VRK2: variants seen among roughly 807,000 people sequenced by gnomAD.
VRK2 encodes the protein VRK serine/threonine kinase 2, also known as serine/threonine-protein kinase VRK2.
Under a neutral mutation model 57.6 loss-of-function variants are expected in VRK2, and 60 were observed. The observed-to-expected ratio is 1.04, with a 90% confidence interval of 0.85 to 1.29. VRK2 has a LOEUF of 1.29. VRK2 is among the 50% of genes most tolerant of loss of function. The pLI is 0.00. For missense variants in VRK2, 705 were observed against 588.1 expected (o/e 1.20, Z -2.06); for synonymous variants, 231 against 199.2 (o/e 1.16, Z -1.35).
intron 2 of VRK2, among the ~76,000 whole-genome samples, chr2:58,030,654 C>A (rs1022482928): frequency 6.8e-5 from 10 of 146,086 alleles, no homozygotes; most frequent in Admixed American, 6.6e-4. Context: ...ACTTGTGTGG[C>A]AGATTGTACT....
At chr2:58,132,740 CTA>C (rs1481147558) in intron 9 of VRK2, among the ~76,000 whole-genome samples, 2 of 152,134 alleles carry the variant, frequency 1.3e-5, no homozygotes, top group African/African-American at 4.8e-5. Context: ...TCATAGAAAT[CTA>C]TCTTTAAATT....
chr2:58,069,659 G>A (rs1199628756), intron 2 of VRK2, among the ~76,000 whole-genome samples: 1 of 152,156 alleles, frequency 6.6e-6, no homozygotes, highest in East Asian at 1.9e-4. Flanking sequence ...ATCTCTGTGT[G>A]TCCCTGCTGC....
At chr2:57,965,839 T>C (rs908234818) in intron 1 of VRK2, among the ~76,000 whole-genome samples, 1 of 152,166 alleles carries the variant, frequency 6.6e-6, no homozygotes, top group Non-Finnish European at 1.5e-5. Context: ...ACTTCATTGG[T>C]CATACCCTTA....
At chr2:58,081,158 G>A (rs1194816024) in intron 2 of VRK2, among the ~76,000 whole-genome samples, 1 of 151,916 alleles carries the variant, frequency 6.6e-6, no homozygotes, top group Non-Finnish European at 1.5e-5. Context: ...ACATACACAA[G>A]AATTTTTCTT....
intron 7 of VRK2, among the ~76,000 whole-genome samples, chr2:58,091,207 G>A (rs1052030544): frequency 3.3e-5 from 5 of 152,098 alleles, no homozygotes; most frequent in African/African-American, 1.2e-4. Flanking sequence ...TGTAAACTGT[G>A]GCTTTTGGAT....
At chr2:57,952,369 T>C (rs959760342) in intron 1 of VRK2, among the ~76,000 whole-genome samples, 4 of 152,268 alleles carry the variant, frequency 2.6e-5, no homozygotes, top group Admixed American at 6.5e-5. Context: ...AAATCTTCCA[T>C]ATTTTTAGAG....
intron 1 of VRK2, among the ~76,000 whole-genome samples, chr2:57,957,020 T>C (rs993014641): frequency 2.6e-5 from 4 of 152,156 alleles, no homozygotes; most frequent in African/African-American, 7.2e-5. Flanking sequence ...AGCTTTCAAC[T>C]TGATTCCTTA....
intron 1 of VRK2, among the ~76,000 whole-genome samples, chr2:57,924,029 T>C (rs1670451334): frequency 6.6e-6 from 1 of 151,874 alleles, no homozygotes; most frequent in Non-Finnish European, 1.5e-5. Flanking sequence ...AATGAGTCTA[T>C]TCTAGATGTG....
chr2:57,972,613 A>T (rs1276960087), intron 1 of VRK2, among the ~76,000 whole-genome samples: 1 of 151,822 alleles, frequency 6.6e-6, no homozygotes, highest in East Asian at 1.9e-4. Context: ...CATTTGTCTC[A>T]TTTTAATTTT....
intron 1 of VRK2, among the ~76,000 whole-genome samples, chr2:57,986,600 T>TA (rs957066007): frequency 7.2e-6 from 1 of 138,248 alleles, no homozygotes; most frequent in African/African-American, 3.3e-5. Context: ...CAATCGATTT[T>TA]TTTTTTTTTT....
At chr2:58,159,246 A>G in intron 12 of VRK2, 103 bp from the exon 13 acceptor site, 1 of 871,412 alleles carries the variant, frequency 1.1e-6, no homozygotes, top group Non-Finnish European at 1.7e-6. Context: ...CAAAAACTTG[A>G]TCTTGTATAA....
intron 11 of VRK2, among the ~76,000 whole-genome samples, chr2:58,140,075 G>A (rs1348710482): frequency 8.6e-5 from 13 of 152,038 alleles, no homozygotes; most frequent in Admixed American, 8.5e-4. Flanking sequence ...TACTGTCATA[G>A]AGATGTGACT....
intron 3 of VRK2, among the ~76,000 whole-genome samples, chr2:58,035,488 G>A (rs1032065909): frequency 3.9e-5 from 6 of 151,968 alleles, no homozygotes; most frequent in African/African-American, 1.4e-4. Context: ...TTCTGTAACA[G>A]ATTGTCCAGA....
intron 1 of VRK2, among the ~76,000 whole-genome samples, chr2:57,948,678 A>G (rs17049260): frequency 0.016 from 2,471 of 152,258 alleles, 70 homozygotes; most frequent in African/African-American, 0.056. Context: ...TTTGGATACC[A>G]TCTGTGTACT....
At chr2:57,979,355 G>A (rs188318398) in intron 1 of VRK2, among the ~76,000 whole-genome samples, 1 of 151,008 alleles carries the variant, frequency 6.6e-6, no homozygotes, top group Non-Finnish European at 1.5e-5. Flanking sequence ...ACTAATCGCT[G>A]TTCTGACTGG....
intron 1 of VRK2, among the ~76,000 whole-genome samples, chr2:57,915,026 A>G (rs1364491376): frequency 6.6e-6 from 1 of 152,146 alleles, no homozygotes; most frequent in African/African-American, 2.4e-5. Context: ...TTACAGAACT[A>G]TTTATATTAA....
chr2:57,947,127 T>C (rs918185559), intron 1 of VRK2, among the ~76,000 whole-genome samples: 1 of 152,204 alleles, frequency 6.6e-6, no homozygotes, highest in African/African-American at 2.4e-5. Context: ...ACTCGTTACT[T>C]CATCAATGCC....
chr2:58,140,685 G>A (rs998569607), intron 11 of VRK2, among the ~76,000 whole-genome samples: 4 of 152,160 alleles, frequency 2.6e-5, no homozygotes, highest in Admixed American at 6.6e-5. Context: ...TCAAGTATCA[G>A]TGCACAGATG....
chr2:58,004,113 T>C (rs1251836527), intron 1 of VRK2, among the ~76,000 whole-genome samples: 1 of 152,140 alleles, frequency 6.6e-6, no homozygotes, highest in East Asian at 1.9e-4. Flanking sequence ...CTTCTTTTCT[T>C]CCTGCTCATT....
Sources: allele counts gnomAD v4.1 joint callset (sites outside exome capture counted in the v4.1 genomes callset), GRCh38; gene constraint gnomAD v4.1.1; transcripts MANE v1.5; gene names NCBI Gene and HGNC (gene_info 2026-07-23, HGNC 2026-07-21).